CTSZ: variants seen among roughly 807,000 people sequenced by gnomAD.
CTSZ encodes the protein cathepsin Z, also known as carboxypeptidase LB.
In CTSZ, 39 loss-of-function variants were observed where a neutral mutation model predicts 32.4. The observed-to-expected ratio is 1.20, with a 90% CI of 0.93 to 1.57. The LOEUF (loss-of-function observed/expected upper bound fraction) is 1.57, where lower values mean the gene tolerates loss of function less well. Ranked by LOEUF, CTSZ falls within the 40% of genes most tolerant of loss-of-function variation. CTSZ has a pLI of 0.00. For missense variants in CTSZ, 397 were observed against 419.6 expected (o/e 0.95, Z 0.47); for synonymous variants, 168 against 170.1 (o/e 0.99, Z 0.10).
rs193300623 is a variant in CTSZ at position 58,995,387 on chromosome 20, A to G, written c.*262T>C. On this transcript the variant is annotated 3_prime_UTR_variant, in exon 6 of 6. Transcript: ENST00000217131. ...CTCTGCTGAAGAAGACTGAGGTCCC[A>G]TCGTTTCCTGTGTCGCAGGTCACTT... 1.5e-5 allele frequency: 6 copies of G among 408,130 alleles called. No individual in the cohort carries two copies. The highest frequency in any genetic ancestry group is 4.1e-5 in the African/African-American group (2 of 48,990). The allele number at this position is 408,130 out of a possible 1,614,324, so 25.3% of individuals were successfully genotyped here.
In CTSZ at chr20:58,997,719, A is replaced by G. The variant is rs1400591005; in HGVS notation, c.522T>C (p.Asn174=). 4 of 1,609,718 alleles carry G rather than the reference A, an allele frequency of 2.5e-6. No individual in the cohort carries two copies. Among genetic ancestry groups the G allele is most frequent in the African/African-American group, 1.3e-5 (1 of 74,928 alleles). ...GGATGGCGTGGCACTCTTTGAATTC[A>G]TTGCATGTCCCACATTGGTTAAACT... ...CDKFNQCGTC[N]EFKECHAIRN... is the part of the protein sequence containing the mutation. Residue 174 remains asparagine (N), a synonymous_variant, in exon 4 of 6, where the codon AAT becomes AAC. Transcript: ENST00000217131.
intron 4 of CTSZ, among the ~76,000 whole-genome samples, chr20:58,997,030 G>A (rs1007238295): frequency 1.3e-5 from 2 of 152,042 alleles, no homozygotes; most frequent in Non-Finnish European, 2.9e-5. Flanking sequence ...GGTGGTGTGC[G>A]CCAGTAGTCC....
chr20:59,004,234 C>T lies in CTSZ; in HGVS notation c.307+2088G>A, dbSNP rs560231082. Among the ~76,000 whole-genome samples, 297 of 152,124 alleles carry T rather than the reference C, an allele frequency of 2.0e-3. 2 individuals carry two copies. Among genetic ancestry groups the T allele is most frequent in the African/African-American group, 6.6e-3 (273 of 41,496 alleles). ...GGCTGGAGGTGTCAGGTGACCGGGA[C>T]AGCGGGCGAGTGGGCAGGTGGATGT... On this transcript the variant is annotated intron_variant, in intron 2 of 5. Coordinates refer to ENST00000217131, the MANE Select transcript of CTSZ (RefSeq NM_001336.4). This position sits in a 1 kb window ranked among gnomAD's most constrained non-coding sequence, Gnocchi z 5.6.
At position 59,002,089 on chromosome 20, in the gene CTSZ, G is replaced by A. The variant is rs1040960147; in HGVS notation, c.308-445C>T. On this transcript the variant is annotated intron_variant, in intron 2 of 5. Coordinates refer to ENST00000217131, the MANE Select transcript of CTSZ (RefSeq NM_001336.4). The surrounding 1 kb of genome is among the most constrained non-coding windows in gnomAD (Gnocchi z 4.1). ...GGGCCAAGGTGTCAGCTCTGTGAAC[G>A]AGTATAGCCCAGGGAGCCGCATGAG... is the stretch of plus-strand genomic sequence containing the variant. 5.9e-5 allele frequency among the ~76,000 whole-genome samples: 9 copies of A among 152,250 alleles called. No individual in the cohort carries two copies. The highest frequency in any genetic ancestry group is 1.2e-4 in the Non-Finnish European group (8 of 68,038).
Position 59,001,451 on chromosome 20 carries a change from G to T in CTSZ, c.487+14C>A. On this transcript the variant is annotated intron_variant, in intron 3 of 5. Transcript: ENST00000217131. ...GGGCAGGAGGGTGGAGTGGGGGCAC[G>T]GGCAGCAGCCTACCCTGGTCCTTGG... The T allele has an allele frequency of 1.3e-6, 2 of 1,598,452 alleles. No homozygotes were observed. Among genetic ancestry groups the T allele is most frequent in the Non-Finnish European group, 8.6e-7 (1 of 1,168,660 alleles).
chr20:59,001,321 G>C (rs1226522666), intron 3 of CTSZ, 144 bp downstream of exon 3: 1 of 925,162 alleles, frequency 1.1e-6, no homozygotes, highest in East Asian at 2.7e-5. Flanking sequence ...GCCCCTGGGG[G>C]CTGCAACCTC....
chr20:58,997,480 C>A lies in CTSZ; in HGVS notation c.638+123G>T, dbSNP rs1032728744. ...CGAAGGACGGAGATGCCTACATGAGCACCGACATGAGCCCACACTGGCGCT... is the reference window on the plus strand; with the variant it reads ...CGAAGGACGGAGATGCCTACATGAGAACCGACATGAGCCCACACTGGCGCT... On this transcript the variant is annotated intron_variant, in intron 4 of 5. Coordinates refer to ENST00000217131, the MANE Select transcript of CTSZ (RefSeq NM_001336.4). The A allele has an allele frequency of 7.3e-6, 7 of 959,904 alleles. No homozygotes were observed. In the African/African-American group the frequency reaches 1.0e-4, roughly 14 times the overall value. 59.5% of individuals were successfully genotyped at this position (959,904 alleles called of 1,614,324 possible). A position where few individuals can be genotyped will look rare whatever the true frequency, so the allele number is the denominator to read the frequency against.
In CTSZ at chr20:58,995,573, C is replaced by T. The variant is rs1466012733; in HGVS notation, c.*76G>A. 7.3e-7 allele frequency: 1 copy of T among 1,371,526 alleles called. No homozygotes were observed. The allele number at this position is 1,371,526 out of a possible 1,614,324, so 85.0% of individuals were successfully genotyped here. On this transcript the variant is annotated 3_prime_UTR_variant, in exon 6 of 6. Transcript: ENST00000217131. ...CCCCAGTTCCTGCCAGCCAGCCTGGCACACATAACCATAGGATCCCCTCTG... is the reference window on the plus strand; with the variant it reads ...CCCCAGTTCCTGCCAGCCAGCCTGGTACACATAACCATAGGATCCCCTCTG...
At chr20:59,005,388 C>G (rs2091905123) in intron 2 of CTSZ, among the ~76,000 whole-genome samples, 1 of 152,230 alleles carries the variant, frequency 6.6e-6, no homozygotes, top group South Asian at 2.1e-4. Flanking sequence ...CAAGCCTCCC[C>G]ATCTCTCTGC....
At chr20:59,003,446 C>T (rs754206655) in intron 2 of CTSZ, among the ~76,000 whole-genome samples, 1 of 152,222 alleles carries the variant, frequency 6.6e-6, no homozygotes, top group Non-Finnish European at 1.5e-5. Flanking sequence ...GTCCTGAATA[C>T]GTTTAATGCA....
rs771918237 is a variant in CTSZ at position 58,995,549 on chromosome 20, C to T, written c.*100G>A. 182 of 1,073,058 alleles carry T rather than the reference C, an allele frequency of 1.7e-4. No individual in the cohort carries two copies. The highest frequency in any genetic ancestry group is 4.0e-4 in the Admixed American group (21 of 53,034). 66.5% of individuals were successfully genotyped at this position (1,073,058 alleles called of 1,614,324 possible). On this transcript the variant is annotated 3_prime_UTR_variant, in exon 6 of 6. Transcript: ENST00000217131. ...CTCGCCATCCAATATTGATAGCCAC[C>T]CCAGTTCCTGCCAGCCAGCCTGGCA...
chr20:58,998,736 T>C (rs1234522598), intron 3 of CTSZ, among the ~76,000 whole-genome samples: 1 of 152,124 alleles, frequency 6.6e-6, no homozygotes, highest in Non-Finnish European at 1.5e-5. Context: ...AAAGAAAAAG[T>C]ACAGCTCTCG....
rs764005251 is a variant in CTSZ, at chr20:58,996,672, G to T, written c.768C>A (p.Tyr256Ter). The stretch of plus-strand genomic sequence containing the variant: ...CACCCCATGAATTCCGGACAATCCA[G>T]TACTCAGTCCCATCACTGATGCCCC... ...AGWGISDGTEYWIVRNSWGEP... is the reference protein window; with the variant it reads ...AGWGISDGTE The change falls in exon 5 of 6, where the codon TAC (tyrosine) becomes TAA (stop). Residue 256 changes from tyrosine to a stop codon, truncating the protein, a stop_gained. Transcript: ENST00000217131. LOFTEE classifies it high-confidence loss of function. 11 of 1,613,942 alleles carry T rather than the reference G, an allele frequency of 6.8e-6. No homozygotes were observed. Among genetic ancestry groups the T allele is most frequent in the Non-Finnish European group, 9.3e-6 (11 of 1,179,978 alleles).
intron 2 of CTSZ, among the ~76,000 whole-genome samples, chr20:59,003,284 C>A (rs2091897166): frequency 1.3e-5 from 2 of 152,236 alleles, no homozygotes; most frequent in Admixed American, 6.5e-5. Context: ...CGGTTCTGGC[C>A]TCTCCGTCTA....
intron 2 of CTSZ, chr20:59,006,067 G>C: frequency 5.8e-6 from 3 of 519,708 alleles, no homozygotes; most frequent in Middle Eastern, 1.0e-3. Flanking sequence ...CTTTGGGGGA[G>C]AGAGGGCACC....
In CTSZ at chr20:58,995,610, C is replaced by T. The variant is rs2091854424; in HGVS notation, c.*39G>A. 2 of 1,582,642 alleles carry T rather than the reference C, an allele frequency of 1.3e-6. No homozygotes were observed. The highest frequency in any genetic ancestry group is 1.3e-5 in the African/African-American group (1 of 74,448). ...TAGGATCCCCTCTGGTCATGGGTCA[C>T]CATGCCTTTTCTTAAACTGCGCTTC... On this transcript the variant is annotated 3_prime_UTR_variant, in exon 6 of 6. Coordinates refer to ENST00000217131, the MANE Select transcript of CTSZ (RefSeq NM_001336.4).
chr20:58,998,557 AAAG>A (rs1165893355), intron 3 of CTSZ, among the ~76,000 whole-genome samples: 7 of 97,974 alleles, frequency 7.1e-5, no homozygotes, highest in African/African-American at 1.3e-4. Flanking sequence ...AAAAAAAAAG[AAAG>A]AAAGAAAGAA....
intron 2 of CTSZ, among the ~76,000 whole-genome samples, chr20:59,005,279 G>C (rs1302065273): frequency 6.6e-6 from 1 of 152,144 alleles, no homozygotes; most frequent in Non-Finnish European, 1.5e-5. Context: ...CCTACCCCCA[G>C]AGCAAGAACC....
chr20:59,006,067 G>T, intron 2 of CTSZ: 1 of 519,710 alleles, frequency 1.9e-6, no homozygotes. Flanking sequence ...CTTTGGGGGA[G>T]AGAGGGCACC....
Sources: gnomAD v4.1 joint callset for allele counts (sites outside exome capture counted in the v4.1 genomes callset) on GRCh38, gnomAD v4.1.1 for gene constraint, Gnocchi (gnomAD v3.1) non-coding constraint, MANE v1.5 for transcripts, NCBI Gene and HGNC (gene_info 2026-07-23, HGNC 2026-07-21) for gene names.